The following FAAP24 variants were observed in gnomAD, a reference collection of about 807,000 sequenced individuals.
FAAP24 encodes FA core complex associated protein 24, also known as Fanconi anemia core complex-associated protein 24.
In FAAP24, 16 loss-of-function variants were observed where a neutral mutation model predicts 14.3. The ratio of observed to expected loss-of-function variants is 1.12; its 90% CI spans 0.76 to 1.69. The LOEUF (loss-of-function observed/expected upper bound fraction) is 1.69. FAAP24 is among the 40% of genes most tolerant of loss of function. The pLI is 0.00. For missense variants in FAAP24, 234 were observed against 262.7 expected, an observed-to-expected ratio of 0.89 and a Z score of 0.75; for synonymous variants, 111 against 106.2, an observed-to-expected ratio of 1.04 and a Z score of -0.28.
Position 32,977,416 on chromosome 19 carries a change from A to G in FAAP24, c.*734A>G. ...CTAAGCCCTGGGTTCCCAGAGTTTCACCTGCTGTTCATCAGGTCTGGCCTT... is the reference window on the plus strand; with the variant it reads ...CTAAGCCCTGGGTTCCCAGAGTTTCGCCTGCTGTTCATCAGGTCTGGCCTT... On this transcript the variant is annotated 3_prime_UTR_variant, in exon 5 of 5. Coordinates refer to ENST00000588258, the MANE Select transcript of FAAP24 (RefSeq NM_152266.5). The G allele has an allele frequency of 2.5e-6, 1 of 398,554 alleles. No homozygotes were observed. Among genetic ancestry groups the G allele is most frequent in the East Asian group, 3.6e-5 (1 of 28,078 alleles). The allele number at this position is 398,554 out of a possible 1,614,324, so 24.7% of individuals were successfully genotyped here.
rs1484825941 is a variant in FAAP24 at position 32,978,043 on chromosome 19, G to A, written c.*1361G>A. 6.6e-6 allele frequency: 1 copy of A among 152,254 alleles called. No homozygotes were observed. Among genetic ancestry groups the A allele is most frequent in the Non-Finnish European group, 1.5e-5 (1 of 68,216 alleles). The allele number at this position is 152,254 out of a possible 1,614,324, so 9.4% of individuals were successfully genotyped here. ...AAAATGATGGCAGCAGCTGCATCTA[G>A]TGAGGGAAGCAGGGGCTGGGGATCA... On this transcript the variant is annotated 3_prime_UTR_variant, in exon 5 of 5. Coordinates refer to ENST00000588258, the MANE Select transcript of FAAP24 (RefSeq NM_152266.5).
chr19:32,972,717 T>TTTC (rs1228687959), intron 1 of FAAP24, among the ~76,000 whole-genome samples: 9 of 100,120 alleles, frequency 9.0e-5, no homozygotes, highest in Admixed American at 1.8e-4. Context: ...TTTCTTTTCT[T>TTTC]TTTTTTTTTT....
chr19:32,976,382 C>A (rs755978856), intron 4 of FAAP24, 49 bp from the exon 5 acceptor site: 3 of 1,548,488 alleles, frequency 1.9e-6, no homozygotes, highest in Admixed American at 2.1e-5. Context: ...AAGAAAACGG[C>A]CAGTCCTCCA....
chr19:32,974,388 C>A (rs950491493), intron 4 of FAAP24, among the ~76,000 whole-genome samples, 176 bp downstream of exon 4: 2 of 152,234 alleles, frequency 1.3e-5, no homozygotes, highest in Admixed American at 6.5e-5. Context: ...TCACACACTC[C>A]AGGCAAGTGT....
In FAAP24 at chr19:32,973,166, T is replaced by C. The variant is rs1971461941; in HGVS notation, c.-13-18T>C. On this transcript the variant is annotated intron_variant, in intron 1 of 4. Coordinates refer to ENST00000588258, the MANE Select transcript of FAAP24 (RefSeq NM_152266.5). Reference sequence around the variant, plus strand: ...CAGGAGAGCCTGCTCAAGTGCCGCCTGGCTTTTCCCTCCTTAGGTGGAGAC... The same window carrying C: ...CAGGAGAGCCTGCTCAAGTGCCGCCCGGCTTTTCCCTCCTTAGGTGGAGAC... The C allele has an allele frequency of 2.5e-6, 4 of 1,604,926 alleles. No homozygotes were observed. In the East Asian group the frequency reaches 8.9e-5, roughly 36 times the overall value.
In FAAP24 at chr19:32,974,100, G is replaced by T. The variant is rs78628256; in HGVS notation, c.284G>T (p.Arg95Leu). The change falls in exon 4 of 5, where the codon CGG (arginine) becomes CTG (leucine). Residue 95 changes from arginine to leucine, a missense_variant. By Grantham distance (102) the Arg-to-Leu change is moderately radical. Transcript: ENST00000588258. ...LKGIVVVEKT[R>L]MSEQYFPALQ... Reference sequence around the variant, plus strand: ...GGAATTGTAGTCGTTGAAAAAACCCGGATGAGTGAACAATACTTCCCAGCC... The same window carrying T: ...GGAATTGTAGTCGTTGAAAAAACCCTGATGAGTGAACAATACTTCCCAGCC... 1.2e-4 allele frequency: 197 copies of T among 1,614,096 alleles called. 2 individuals are homozygous for T. In the East Asian group the frequency reaches 4.4e-3, roughly 36 times the overall value.
In FAAP24 at chr19:32,973,337, C is replaced by A. The variant is rs529898862; in HGVS notation, c.106+35C>A. ...CTGCCCTCTGCCAGCCCTTTCCTCC[C>A]CTGACATATTAAAAAAAAAAAATCT... On this transcript the variant is annotated intron_variant, in intron 2 of 4. Coordinates refer to ENST00000588258, the MANE Select transcript of FAAP24 (RefSeq NM_152266.5). 2.5e-6 allele frequency: 4 copies of A among 1,605,398 alleles called. No homozygotes were observed. The Admixed American group carries it at 5.2e-5, about 21-fold the overall frequency.
rs1320271918 is a variant in FAAP24 at position 32,977,271 on chromosome 19, A to C, written c.*589A>C. On this transcript the variant is annotated 3_prime_UTR_variant, in exon 5 of 5. Coordinates refer to ENST00000588258, the MANE Select transcript of FAAP24 (RefSeq NM_152266.5). ...GGACTCACACTCAGCAAAAAGCATT[A>C]GGGCCGATTTTAATGTGCGACCTTG... The C allele has an allele frequency of 7.5e-6, 3 of 398,744 alleles. No individual in the cohort carries two copies. Among genetic ancestry groups the C allele is most frequent in the Non-Finnish European group, 1.3e-5 (3 of 226,310 alleles). The allele number at this position is 398,744 out of a possible 1,614,324, so 24.7% of individuals were successfully genotyped here. A position where few individuals can be genotyped will look rare whatever the true frequency, so the allele number is the denominator to read the frequency against.
In FAAP24 at chr19:32,973,215, GATGATACGGGCCC is replaced by G; in HGVS notation, c.20_32del (p.Asp7AlafsTer36). ...ACCATCCATGGAAAAGAACCCCCCT[GATGATACGGGCCC>G]CGTGCACGTGCCTTTGGGGCATATT... On this transcript the variant is annotated frameshift_variant, in exon 2 of 5. Coordinates refer to ENST00000588258, the MANE Select transcript of FAAP24 (RefSeq NM_152266.5). LOFTEE classifies it high-confidence loss of function. The G allele has an allele frequency of 6.2e-7, 1 of 1,613,622 alleles. No individual in the cohort carries two copies. Among genetic ancestry groups the G allele is most frequent in the Non-Finnish European group, 8.5e-7 (1 of 1,180,004 alleles).
intron 2 of FAAP24, 57 bp from the exon 3 acceptor site, chr19:32,973,369 T>G: frequency 6.2e-7 from 1 of 1,602,080 alleles, no homozygotes; most frequent in Non-Finnish European, 8.5e-7. Context: ...ATCTGCCTAT[T>G]ATTGCCATCT....
chr19:32,974,548 C>T (rs142091199), intron 4 of FAAP24, among the ~76,000 whole-genome samples: 1,945 of 152,196 alleles, frequency 0.013, 23 homozygotes, highest in Admixed American at 0.027. Context: ...CTTTGGGAGG[C>T]GGAGGCGGGA....
At chr19:32,976,171 G>A (rs990145623) in intron 4 of FAAP24, among the ~76,000 whole-genome samples, 1 of 152,190 alleles carries the variant, frequency 6.6e-6, no homozygotes, top group Non-Finnish European at 1.5e-5. Context: ...AACAGAAAGT[G>A]TTTGAATTCA....
chr19:32,972,672 C>T (rs1971446293), intron 1 of FAAP24, among the ~76,000 whole-genome samples: 1 of 151,916 alleles, frequency 6.6e-6, no homozygotes. Context: ...CGTCTCCAGC[C>T]ACCCTGGCCT....
Position 32,976,515 on chromosome 19 carries a change from C to T in FAAP24, c.481C>T (p.Arg161Ter), listed in dbSNP as rs147944146. The T allele has an allele frequency of 3.7e-5, 59 of 1,614,066 alleles. No homozygotes were observed. Among genetic ancestry groups the T allele is most frequent in the Non-Finnish European group, 5.0e-5 (59 of 1,180,050 alleles). The change falls in exon 5 of 5, where the codon CGA becomes TGA. Residue 161 changes from arginine to a stop codon, truncating the protein, a stop_gained. Coordinates refer to ENST00000588258, the MANE Select transcript of FAAP24 (RefSeq NM_152266.5). LOFTEE classifies it high-confidence loss of function. The part of the protein sequence containing the change: ...ALLLSEPSLL[R>*]TVQQIPGVGK... Reference sequence around the variant, plus strand: ...GCTGCTGTCTGAGCCTTCGCTCCTTCGAACCGTGCAGCAGATCCCAGGAGT... The same window carrying T: ...GCTGCTGTCTGAGCCTTCGCTCCTTTGAACCGTGCAGCAGATCCCAGGAGT...
Position 32,973,445 on chromosome 19 carries a change from C to T in FAAP24, c.126C>T (p.Phe42=), listed in dbSNP as rs765542377. The T allele has an allele frequency of 1.5e-5, 24 of 1,614,090 alleles. No individual in the cohort carries two copies. The highest frequency in any genetic ancestry group is 3.3e-4 in the Middle Eastern group (2 of 6,062). Residue 42 remains phenylalanine (F), a synonymous_variant, in exon 3 of 5, where the codon TTC becomes TTT. Coordinates refer to ENST00000588258, the MANE Select transcript of FAAP24 (RefSeq NM_152266.5). ...TTTAAGGGAAAATTAAGCTCATTTTCGAGGATGGCTTGACACCAGACTTTT... is the reference window on the plus strand; with the variant it reads ...TTTAAGGGAAAATTAAGCTCATTTTTGAGGATGGCTTGACACCAGACTTTT... ...QEMQGKIKLI[F]EDGLTPDFYL...
chr19:32,973,957 A>G lies in FAAP24; in HGVS notation c.244-103A>G, dbSNP rs1222321949. ...ACCCTTCCCTCCATCCCTTGGTATC[A>G]TTTATTTAAAATCATTGGCCAGGTC... is the stretch of plus-strand genomic sequence containing the variant. On this transcript the variant is annotated intron_variant, in intron 3 of 4. Coordinates refer to ENST00000588258, the MANE Select transcript of FAAP24 (RefSeq NM_152266.5). 5 of 1,139,532 alleles carry G rather than the reference A, an allele frequency of 4.4e-6. No individual in the cohort carries two copies. The Admixed American group carries it at 6.0e-5, about 14-fold the overall frequency. The allele number at this position is 1,139,532 out of a possible 1,614,324, so 70.6% of individuals were successfully genotyped here. A position where few individuals can be genotyped will look rare whatever the true frequency, so the allele number is the denominator to read the frequency against.
chr19:32,977,105 T>C lies in FAAP24; in HGVS notation c.*423T>C. 2.5e-6 allele frequency: 1 copy of C among 405,984 alleles called. No homozygotes were observed. The highest frequency in any genetic ancestry group is 4.3e-6 in the Non-Finnish European group (1 of 231,002). The allele number at this position is 405,984 out of a possible 1,614,324, so 25.1% of individuals were successfully genotyped here. A position where few individuals can be genotyped will look rare whatever the true frequency, so the allele number is the denominator to read the frequency against. ...TTCTCCAGCAGCAACCAGTGAAAGATGAGGCGAGGCTTGAATGGAGCCCGT... is the reference window on the plus strand; with the variant it reads ...TTCTCCAGCAGCAACCAGTGAAAGACGAGGCGAGGCTTGAATGGAGCCCGT... On this transcript the variant is annotated 3_prime_UTR_variant, in exon 5 of 5. Transcript: ENST00000588258.
At position 32,976,817 on chromosome 19, in the gene FAAP24, G is replaced by A. The variant is rs1196103653; in HGVS notation, c.*135G>A. ...AATCTCAGCACTTTGGGAGGCCGAAGACAGCGGATCATCTGAGGTCAGGAG... is the reference window on the plus strand; with the variant it reads ...AATCTCAGCACTTTGGGAGGCCGAAAACAGCGGATCATCTGAGGTCAGGAG... On this transcript the variant is annotated 3_prime_UTR_variant, in exon 5 of 5. Transcript: ENST00000588258. 1 of 1,144,988 alleles carries A rather than the reference G, an allele frequency of 8.7e-7. No homozygotes were observed. The highest frequency in any genetic ancestry group is 1.2e-6 in the Non-Finnish European group (1 of 825,110). 70.9% of individuals were successfully genotyped at this position (1,144,988 alleles called of 1,614,324 possible).
chr19:32,972,405 C>T (rs896586948), intron 1 of FAAP24, 59 bp downstream of exon 1: 6 of 402,324 alleles, frequency 1.5e-5, no homozygotes, highest in African/African-American at 8.2e-5. Flanking sequence ...AGGACGCGGA[C>T]ACCAGGACAG....
Sources: gnomAD v4.1 joint callset for allele counts (sites outside exome capture counted in the v4.1 genomes callset) on GRCh38, gnomAD v4.1.1 for gene constraint, MANE v1.5 for transcripts, NCBI Gene and HGNC (gene_info 2026-07-23, HGNC 2026-07-21) for gene names.